The following EVL variants were observed in gnomAD, a reference collection of about 807,000 sequenced individuals.
EVL encodes ena/VASP-like protein.
In EVL, 21 loss-of-function variants were observed where a neutral mutation model predicts 59.6. The observed-to-expected ratio is 0.35, with a 90% confidence interval of 0.25 to 0.51. The LOEUF is 0.51. Ranked by LOEUF, EVL falls within the 20% of genes least tolerant of loss-of-function variation. EVL has a pLI of 0.97. For missense variants in EVL, 462 were observed against 546.6 expected (o/e 0.85, Z 1.54); for synonymous variants, 198 against 203.5 (o/e 0.97, Z 0.23).
intron 3 of EVL, 125 bp from the exon 4 acceptor site, chr14:100,123,413 TA>T: frequency 1.1e-6 from 1 of 893,176 alleles, no homozygotes; most frequent in Non-Finnish European, 1.8e-6. Flanking sequence ...GGCCAACATT[TA>T]AAAAGATTCT....
At chr14:100,102,733 T>G (rs2140329308) in intron 3 of EVL, among the ~76,000 whole-genome samples, 1 of 152,292 alleles carries the variant, frequency 6.6e-6, no homozygotes, top group Non-Finnish European at 1.5e-5. Context: ...TAAAGGGCAG[T>G]TCTGACCAGA....
intron 1 of EVL, among the ~76,000 whole-genome samples, chr14:99,976,124 T>C (rs1003841119): frequency 6.6e-6 from 1 of 152,058 alleles, no homozygotes; most frequent in Admixed American, 6.6e-5. Flanking sequence ...AGCCTTAAAC[T>C]CCCACCTTAG....
chr14:100,000,469 TC>T (rs2060939349), intron 1 of EVL, among the ~76,000 whole-genome samples: 1 of 147,904 alleles, frequency 6.8e-6, no homozygotes, highest in Non-Finnish European at 1.5e-5. Flanking sequence ...TGCCTCAGCC[TC>T]CCGAGCAGCT....
At chr14:99,975,709 A>T (rs558518167) in intron 1 of EVL, among the ~76,000 whole-genome samples, 1 of 152,292 alleles carries the variant, frequency 6.6e-6, no homozygotes, top group African/African-American at 2.4e-5. Context: ...ATCTGACAGG[A>T]GGCAGACTGC....
intron 2 of EVL, among the ~76,000 whole-genome samples, chr14:100,090,369 A>C (rs551659381): frequency 1.8e-4 from 27 of 152,356 alleles, no homozygotes; most frequent in Middle Eastern, 3.4e-3. Context: ...CTTGAAAAAC[A>C]TAAAGAAGAA....
intron 2 of EVL, among the ~76,000 whole-genome samples, chr14:100,087,670 G>A (rs1269711674): frequency 6.6e-6 from 1 of 152,178 alleles, no homozygotes; most frequent in Admixed American, 6.5e-5. Context: ...TAGAAGTAGA[G>A]TGAATTGATA....
intron 1 of EVL, among the ~76,000 whole-genome samples, chr14:100,075,400 A>G (rs2062139506): frequency 6.6e-6 from 1 of 152,326 alleles, no homozygotes; most frequent in Non-Finnish European, 1.5e-5. Context: ...AGCTTTTAAG[A>G]TTCACTTTTG....
Position 100,127,695 on chromosome 14 carries a change from C to G in EVL, c.488-824C>G, listed in dbSNP as rs1566721074. Among the ~76,000 whole-genome samples the G allele has an allele frequency of 6.6e-6, 1 of 152,182 alleles. No individual in the cohort carries two copies. The highest frequency in any genetic ancestry group is 6.5e-5 in the Admixed American group (1 of 15,280). The stretch of plus-strand genomic sequence containing the variant: ...CCTAACTGAACCCCTGCTCTCCGGT[C>G]GTGTCCCAGCTCCACAGTCACTTCC... On this transcript the variant is annotated intron_variant, in intron 5 of 13. Coordinates refer to ENST00000392920, the MANE Select transcript of EVL (RefSeq NM_016337.3). The surrounding 1 kb of genome is among the most constrained non-coding windows in gnomAD (Gnocchi z 4.2).
chr14:100,051,460 C>G (rs1595097465), intron 1 of EVL, among the ~76,000 whole-genome samples: 1 of 152,212 alleles, frequency 6.6e-6, no homozygotes. Flanking sequence ...TTCTTAATCT[C>G]TTTTCCTTCT....
Position 100,116,003 on chromosome 14 carries a change from G to A in EVL, c.359-7536G>A, listed in dbSNP as rs190438551. On this transcript the variant is annotated intron_variant, in intron 3 of 13. Coordinates refer to ENST00000392920, the MANE Select transcript of EVL (RefSeq NM_016337.3). ...AGCCCTGGGCCGGGAGACATTTGTC[G>A]TGGGCTCTGGTCCCAGCTCTGCCAC... 8.0e-4 allele frequency among the ~76,000 whole-genome samples: 122 copies of A among 152,344 alleles called. 3 individuals are homozygous for A. The highest frequency in any genetic ancestry group is 7.5e-3 in the Admixed American group (115 of 15,310).
chr14:100,141,338 G>C (rs1889152210), intron 12 of EVL, 92 bp downstream of exon 12: 1 of 1,414,654 alleles, frequency 7.1e-7, no homozygotes, highest in African/African-American at 1.4e-5. Flanking sequence ...CAGGCCCTGG[G>C]GGCCCACATG....
chr14:100,104,040 C>T (rs2140331779), intron 3 of EVL, among the ~76,000 whole-genome samples: 1 of 152,318 alleles, frequency 6.6e-6, no homozygotes, highest in Admixed American at 6.5e-5. Flanking sequence ...CTGACCTGTA[C>T]CTGCCCGTTG....
chr14:100,093,868 A>C (rs1313719324), intron 2 of EVL, among the ~76,000 whole-genome samples: 1 of 152,236 alleles, frequency 6.6e-6, no homozygotes, highest in African/African-American at 2.4e-5. Flanking sequence ...AATATTAATT[A>C]AATGGGAAAT....
intron 4 of EVL, among the ~76,000 whole-genome samples, chr14:100,125,585 T>G (rs974042348): frequency 2.0e-5 from 3 of 151,786 alleles, no homozygotes; most frequent in Non-Finnish European, 4.4e-5. Context: ...AGATGGAGTC[T>G]TGCTCTGTCA....
intron 1 of EVL, among the ~76,000 whole-genome samples, chr14:99,980,442 C>A (rs2060799132): frequency 1.3e-5 from 2 of 152,202 alleles, no homozygotes; most frequent in African/African-American, 4.8e-5. Flanking sequence ...CAGCCTTGTA[C>A]ATGTGAGGCA....
chr14:99,985,820 A>G (rs1462322956), intron 1 of EVL, among the ~76,000 whole-genome samples: 1 of 152,046 alleles, frequency 6.6e-6, no homozygotes, highest in African/African-American at 2.4e-5. Flanking sequence ...ATTACTAATT[A>G]GTGGCCCTTC....
At chr14:100,135,814 T>G (rs1394548700) in intron 8 of EVL, 91 bp from the exon 9 acceptor site, 1 of 1,148,066 alleles carries the variant, frequency 8.7e-7, no homozygotes, top group African/African-American at 1.5e-5. Context: ...TGGGAACATT[T>G]GGAAAACTGA....
intron 1 of EVL, among the ~76,000 whole-genome samples, chr14:100,002,382 C>G (rs2060951396): frequency 6.6e-6 from 1 of 151,960 alleles, no homozygotes; most frequent in South Asian, 2.1e-4. Flanking sequence ...CAGCCATATT[C>G]AGAGACACAA....
intron 1 of EVL, among the ~76,000 whole-genome samples, chr14:100,072,454 C>T (rs2062068474): frequency 1.3e-5 from 2 of 152,176 alleles, no homozygotes; most frequent in Admixed American, 6.5e-5. Flanking sequence ...AGGCTGATCT[C>T]GAACTCCTGA....
Sources: gnomAD v4.1 joint callset for allele counts (sites outside exome capture counted in the v4.1 genomes callset) on GRCh38, gnomAD v4.1.1 for gene constraint, Gnocchi (gnomAD v3.1) non-coding constraint, MANE v1.5 for transcripts, NCBI Gene and HGNC (gene_info 2026-07-23, HGNC 2026-07-21) for gene names.